The following ELFN2 variants were observed in gnomAD, a reference collection of about 807,000 sequenced individuals.
The protein encoded by ELFN2 is extracellular leucine rich repeat and fibronectin type III domain containing 2, also known as protein phosphatase 1 regulatory subunit 29.
ELFN2 carries 17 observed loss-of-function variants against 45.5 expected under a neutral mutation model. The ratio of observed to expected loss-of-function variants is 0.37; its 90% CI spans 0.26 to 0.56. The LOEUF is 0.56. Ranked by LOEUF, ELFN2 falls within the 20% of genes least tolerant of loss-of-function variation. The pLI, the probability that ELFN2 is intolerant of heterozygous loss-of-function variation, is 0.77. For missense variants in ELFN2, 922 were observed against 1,183.2 expected, an observed-to-expected ratio of 0.78 and a Z score of 3.24; for synonymous variants, 550 against 551.5, an observed-to-expected ratio of 1.00 and a Z score of 0.04.
At position 37,417,238 on chromosome 22, in the gene ELFN2, T is replaced by C. The variant is rs1932769186; in HGVS notation, c.-463+531A>G. On this transcript the variant is annotated intron_variant, in intron 2 of 2. Transcript: ENST00000402918. This position sits in a 1 kb window ranked among gnomAD's most constrained non-coding sequence, Gnocchi z 4.5. ...TCCTAGTGCCAGACGGCTCTCCCTG[T>C]GCCTCCAAAATTCAATGACATAGGA... 6.6e-6 allele frequency among the ~76,000 whole-genome samples: 1 copy of C among 152,218 alleles called. No individual in the cohort carries two copies. Among genetic ancestry groups the C allele is most frequent in the South Asian group, 2.1e-4 (1 of 4,832 alleles).
chr22:37,345,519 C>T (rs1930675574), intron 1 of ELFN2, among the ~76,000 whole-genome samples: 1 of 151,464 alleles, frequency 6.6e-6, no homozygotes, highest in Non-Finnish European at 1.5e-5. Context: ...AGGGCCATGT[C>T]CTCCTTGTTT....
At chr22:37,355,047 G>A (rs1054274078) in intron 1 of ELFN2, among the ~76,000 whole-genome samples, 8 of 152,178 alleles carry the variant, frequency 5.3e-5, no homozygotes, top group South Asian at 2.1e-4. Context: ...GACATCTCTC[G>A]TCGCTGGTTC....
intron 1 of ELFN2, among the ~76,000 whole-genome samples, chr22:37,420,768 G>A (rs1451291262): frequency 6.6e-6 from 1 of 152,188 alleles, no homozygotes; most frequent in Non-Finnish European, 1.5e-5. Context: ...AGCAGTCAAC[G>A]AAACGGAAGA....
Position 37,417,607 on chromosome 22 carries a change from T to C in ELFN2, c.-463+162A>G, listed in dbSNP as rs777591124. 6.6e-6 allele frequency among the ~76,000 whole-genome samples: 1 copy of C among 152,038 alleles called. No individual in the cohort carries two copies. The highest frequency in any genetic ancestry group is 1.5e-5 in the Non-Finnish European group (1 of 67,994). The stretch of plus-strand genomic sequence containing the variant: ...CTCATAGGCCCTGTGGAAGGAAAGC[T>C]GGGTGGGAGGGGTGCCCACGGCTGG... On this transcript the variant is annotated intron_variant, in intron 2 of 2. Coordinates refer to ENST00000402918, the MANE Select transcript of ELFN2 (RefSeq NM_052906.5). The surrounding 1 kb of genome is among the most constrained non-coding windows in gnomAD (Gnocchi z 4.5).
intron 1 of ELFN2, among the ~76,000 whole-genome samples, chr22:37,349,672 A>ACC (rs1930779870): frequency 6.6e-6 from 1 of 150,960 alleles, no homozygotes; most frequent in Non-Finnish European, 1.5e-5. Context: ...GGGGCCTTGC[A>ACC]GGGCACACTC....
intron 2 of ELFN2, among the ~76,000 whole-genome samples, chr22:37,409,875 T>C (rs1020723343): frequency 1.3e-5 from 2 of 151,890 alleles, no homozygotes; most frequent in Middle Eastern, 3.2e-3. Context: ...GGTGTACGTG[T>C]GTTTGTAGGT....
At chr22:37,351,084 C>T (rs1281446036) in intron 1 of ELFN2, among the ~76,000 whole-genome samples, 1 of 150,376 alleles carries the variant, frequency 6.6e-6, no homozygotes, top group African/African-American at 2.4e-5. Flanking sequence ...AATCAGCCAG[C>T]CAACCCTCCT....
chr22:37,418,705 CAA>C (rs1932785342), intron 1 of ELFN2, among the ~76,000 whole-genome samples: 1 of 151,986 alleles, frequency 6.6e-6, no homozygotes, highest in Non-Finnish European at 1.5e-5. Flanking sequence ...CCCCAGGGAA[CAA>C]AGACACCCTC....
At chr22:37,407,005 A>C (rs1012978028) in intron 2 of ELFN2, among the ~76,000 whole-genome samples, 2 of 152,266 alleles carry the variant, frequency 1.3e-5, no homozygotes, top group African/African-American at 4.8e-5. Context: ...CCCAGTAGGC[A>C]TGCAGCCCAT....
chr22:37,357,066 C>A (rs1930969104), intron 1 of ELFN2, among the ~76,000 whole-genome samples: 1 of 152,188 alleles, frequency 6.6e-6, no homozygotes, highest in African/African-American at 2.4e-5. Context: ...GTCACGCAGA[C>A]CCCTCCTCTT....
chr22:37,424,233 G>A lies in ELFN2; in HGVS notation c.-614+3065C>T, dbSNP rs77974576. Among the ~76,000 whole-genome samples, 825 of 152,198 alleles carry A rather than the reference G, an allele frequency of 5.4e-3. 9 individuals are homozygous for A. Among genetic ancestry groups the A allele is most frequent in the Non-Finnish European group, 6.8e-3 (463 of 68,008 alleles). On this transcript the variant is annotated intron_variant, in intron 1 of 2. Transcript: ENST00000402918. Reference sequence around the variant, plus strand: ...CCTTTCACACTCACACATCACACCCGCAAGGGAAGCTGCCACCACCCTCTT... The same window carrying A: ...CCTTTCACACTCACACATCACACCCACAAGGGAAGCTGCCACCACCCTCTT...
chr22:37,345,050 G>A lies in ELFN2; in HGVS notation n.149-2347C>T, dbSNP rs56761398. Among the ~76,000 whole-genome samples the A allele has an allele frequency of 6.6e-3, 999 of 152,306 alleles. 9 individuals are homozygous for A. Among genetic ancestry groups the A allele is most frequent in the African/African-American group, 0.023 (952 of 41,562 alleles). ...CCGTCAGTCCCTGCAGAGCAAGCCT[G>A]TCTCCTCTGGGTCCCACTGCACCAG... On this transcript the variant is annotated intron_variant and non_coding_transcript_variant, in intron 1 of 2. Coordinates refer to ENST00000452946, the Ensembl canonical transcript of ELFN2.
chr22:37,424,888 G>A (rs1352111394), intron 1 of ELFN2, among the ~76,000 whole-genome samples: 1 of 152,048 alleles, frequency 6.6e-6, no homozygotes, highest in African/African-American at 2.4e-5. Flanking sequence ...GGGGATAGGA[G>A]GTGAGAGGAC....
intron 2 of ELFN2, among the ~76,000 whole-genome samples, chr22:37,389,206 G>C (rs74764575): frequency 0.014 from 2,111 of 152,184 alleles, 59 homozygotes; most frequent in African/African-American, 0.049. Context: ...AGAGAGAAGA[G>C]GGTGAGACAG....
chr22:37,361,940 T>C (rs1931097858), intron 1 of ELFN2, among the ~76,000 whole-genome samples: 1 of 152,118 alleles, frequency 6.6e-6, no homozygotes, highest in Non-Finnish European at 1.5e-5. Flanking sequence ...CAGGCATGCA[T>C]AGAGACTGCC....
At chr22:37,343,480 C>T (rs1486836950) in intron 1 of ELFN2, among the ~76,000 whole-genome samples, 1 of 152,056 alleles carries the variant, frequency 6.6e-6, no homozygotes, top group Admixed American at 6.5e-5. Context: ...TCTGAGGTTT[C>T]TGTCTCTCTC....
intron 2 of ELFN2, among the ~76,000 whole-genome samples, chr22:37,382,808 T>C (rs1931827008): frequency 1.3e-5 from 2 of 152,186 alleles, no homozygotes; most frequent in Admixed American, 1.3e-4. Flanking sequence ...CGCCCACGAC[T>C]ACCAAAGTGC....
At chr22:37,360,793 T>A (rs1397981707) in intron 1 of ELFN2, among the ~76,000 whole-genome samples, 1 of 152,124 alleles carries the variant, frequency 6.6e-6, no homozygotes, top group Non-Finnish European at 1.5e-5. Context: ...CAAGAGCAGC[T>A]CTGGCCATGA....
At chr22:37,416,671 A>G (rs1932762668) in intron 2 of ELFN2, among the ~76,000 whole-genome samples, 2 of 152,000 alleles carry the variant, frequency 1.3e-5, no homozygotes, top group African/African-American at 2.4e-5. Context: ...GGCAGGCAGG[A>G]TAAGTGCAGA....
Sources: gnomAD v4.1 joint callset for allele counts (sites outside exome capture counted in the v4.1 genomes callset) on GRCh38, gnomAD v4.1.1 for gene constraint, Gnocchi (gnomAD v3.1) non-coding constraint, MANE v1.5 for transcripts, NCBI Gene and HGNC (gene_info 2026-07-23, HGNC 2026-07-21) for gene names.